CCP110: variants seen among roughly 807,000 people sequenced by gnomAD.
CCP110 encodes the protein centriolar coiled-coil protein of 110 kDa.
Under a neutral mutation model 105.5 loss-of-function variants are expected in CCP110, and 43 were observed. The observed-to-expected ratio is 0.41, with a 90% CI of 0.32 to 0.53. The LOEUF (loss-of-function observed/expected upper bound fraction) is 0.53. Among genes scored for constraint, CCP110 ranks in the 20% least tolerant of loss-of-function variants. The pLI is 0.32. For synonymous variants in CCP110, 353 were observed against 392.1 expected (o/e 0.90, Z 1.18); for missense variants, 1,016 against 1,189.1 (o/e 0.85, Z 2.14).
At chr16:19,529,569 G>A (rs1969790735) in intron 2 of CCP110, among the ~76,000 whole-genome samples, 2 of 152,204 alleles carry the variant, frequency 1.3e-5, no homozygotes, top group African/African-American at 4.8e-5. Context: ...ACATCTATGT[G>A]TGTGTGTACA....
At chr16:19,532,506 T>G (rs1173862839) in exon 3 of CCP110, 19 of 1,611,286 alleles carry the variant, frequency 1.2e-5, no homozygotes, top group Non-Finnish European at 1.6e-5. Flanking sequence ...GAAGAAAGCT[T>G]TACTGACTCG....
Position 19,542,778 on chromosome 16 carries a change from T to C in CCP110, c.2367+18T>C. On this transcript the variant is annotated intron_variant, in intron 7 of 14. Transcript: ENST00000381396. ...GGTCTCAAGTGGGTAAACTTAATGA[T>C]ACATGTCCATCTATCTATTTATCTT... 1 of 1,602,598 alleles carries C rather than the reference T, an allele frequency of 6.2e-7. No homozygotes were observed. The highest frequency in any genetic ancestry group is 2.2e-5 in the East Asian group (1 of 44,792).
At chr16:19,540,840 C>T (rs1970251835) in intron 5 of CCP110, 53 bp downstream of exon 5, 1 of 1,571,046 alleles carries the variant, frequency 6.4e-7, no homozygotes, top group Non-Finnish European at 8.7e-7. Flanking sequence ...GCCAAGGATA[C>T]CTATGAATTT....
chr16:19,538,419 C>T (rs1382447681), intron 4 of CCP110, among the ~76,000 whole-genome samples: 4 of 134,080 alleles, frequency 3.0e-5, no homozygotes, highest in African/African-American at 1.1e-4. Context: ...AATTGATTTT[C>T]GTGCCTCAGC....
At chr16:19,536,809 C>T (rs765459148) in exon 4 of CCP110, 1 of 1,614,112 alleles carries the variant, frequency 6.2e-7, no homozygotes. Flanking sequence ...GAAGACGTTC[C>T]AGGACATCAT....
At chr16:19,545,656 T>C (rs1254317024) in intron 10 of CCP110, among the ~76,000 whole-genome samples, 161 bp from the exon 11 acceptor site, 3 of 152,170 alleles carry the variant, frequency 2.0e-5, no homozygotes, top group Non-Finnish European at 2.9e-5. Context: ...ATTTAATTCT[T>C]AGAATTAGAC....
exon 4 of CCP110, chr16:19,536,099 G>T: frequency 6.2e-7 from 1 of 1,614,052 alleles, no homozygotes; most frequent in East Asian, 2.2e-5. Context: ...TAAGATAGCT[G>T]GGATTTTGCC....
intron 3 of CCP110, among the ~76,000 whole-genome samples, chr16:19,535,221 A>G (rs1026249886): frequency 6.6e-6 from 1 of 152,198 alleles, no homozygotes; most frequent in Admixed American, 6.5e-5. Flanking sequence ...TGATAATACA[A>G]TGATTTTTGC....
At chr16:19,536,699 A>C (rs1294407941) in exon 4 of CCP110, 1 of 1,614,084 alleles carries the variant, frequency 6.2e-7, no homozygotes, top group African/African-American at 1.3e-5. Context: ...TTTTAAAGTT[A>C]TTCCCACTTT....
intron 1 of CCP110, among the ~76,000 whole-genome samples, chr16:19,524,354 T>TG (rs1373346953): frequency 6.6e-6 from 1 of 151,828 alleles, no homozygotes; most frequent in East Asian, 1.9e-4. Flanking sequence ...GAGGTGGGCA[T>TG]GGGGCGCTGG....
chr16:19,532,390 A>C (rs1969901482), intron 2 of CCP110, 26 bp from the exon 3 acceptor site: 4 of 1,554,850 alleles, frequency 2.6e-6, no homozygotes, highest in Non-Finnish European at 3.5e-6. Flanking sequence ...CGTGGGAAAT[A>C]ATTACATTTT....
At position 19,534,135 on chromosome 16, in the gene CCP110, GGTA is replaced by G. The variant is rs1454945751; in HGVS notation, c.270+1596_270+1598del. ...CTTTCACAGTAGTATATAGTGTGTG[GGTA>G]GTAGATTTCATTTTGCAGATTATAA... On this transcript the variant is annotated intron_variant, in intron 3 of 14. Coordinates refer to ENST00000381396, the Ensembl canonical transcript of CCP110. Among the ~76,000 whole-genome samples, 13 of 152,158 alleles carry G rather than the reference GGTA, an allele frequency of 8.5e-5. No individual in the cohort carries two copies. The East Asian group carries it at 2.5e-3, about 29-fold the overall frequency.
exon 15 of CCP110, chr16:19,553,142 G>C (rs1970694139): frequency 6.6e-6 from 1 of 152,196 alleles, no homozygotes; most frequent in Non-Finnish European, 1.5e-5. Flanking sequence ...ACTAGCTTTA[G>C]AGTAAGGATG....
At chr16:19,535,954 T>C in exon 4 of CCP110, 1 of 1,588,822 alleles carries the variant, frequency 6.3e-7, no homozygotes, top group Non-Finnish European at 8.6e-7. Context: ...GAAAAGCACC[T>C]AATGCCAGTG....
chr16:19,545,972 T>C (rs1450424392), intron 11 of CCP110, 82 bp downstream of exon 11: 5 of 808,498 alleles, frequency 6.2e-6, no homozygotes, highest in African/African-American at 1.7e-5. Context: ...TATTTAAATT[T>C]AGAAATAAAG....
chr16:19,538,571 AAGTGCTGGAATTACAGGC>A (rs755980421), intron 4 of CCP110, among the ~76,000 whole-genome samples: 115 of 151,904 alleles, frequency 7.6e-4, no homozygotes, highest in Admixed American at 4.1e-3. Context: ...CAGCCTCCCA[AAGTGCTGGAATTACAGGC>A]ATGAGCCACC....
At chr16:19,533,195 T>C (rs1969935080) in intron 3 of CCP110, among the ~76,000 whole-genome samples, 1 of 152,082 alleles carries the variant, frequency 6.6e-6, no homozygotes, top group African/African-American at 2.4e-5. Flanking sequence ...TGTTTTTTCA[T>C]AATCTTAGGA....
exon 2 of CCP110, chr16:19,527,993 T>C: frequency 6.2e-7 from 1 of 1,613,180 alleles, no homozygotes. Flanking sequence ...ACTTATTCGC[T>C]TTCATGGAGT....
At chr16:19,539,958 T>A (rs1421567206) in intron 4 of CCP110, among the ~76,000 whole-genome samples, 1 of 151,878 alleles carries the variant, frequency 6.6e-6, no homozygotes, top group Non-Finnish European at 1.5e-5. Flanking sequence ...CGCTTGTATT[T>A]TTTCAGTAGA....
Sources: allele counts gnomAD v4.1 joint callset (sites outside exome capture counted in the v4.1 genomes callset), GRCh38; gene constraint gnomAD v4.1.1; transcripts MANE v1.5; gene names NCBI Gene and HGNC (gene_info 2026-07-23, HGNC 2026-07-21).